Variants in THEMIS observed in about 807,000 individuals in gnomAD.
THEMIS encodes protein THEMIS.
In THEMIS, 37 loss-of-function variants were observed where a neutral mutation model predicts 52.6. The ratio of observed to expected loss-of-function variants is 0.70; its 90% CI spans 0.54 to 0.93. THEMIS has a LOEUF of 0.93. Among genes scored for constraint, THEMIS ranks in the 40% least tolerant of loss-of-function variants. The probability of loss-of-function intolerance (pLI) is 0.00; values close to 1 mark genes in which losing one functional copy is unlikely to be tolerated. For synonymous variants in THEMIS, 292 were observed against 272.7 expected, an observed-to-expected ratio of 1.07 and a Z score of -0.70; for missense variants, 808 against 763.1, an observed-to-expected ratio of 1.06 and a Z score of -0.69.
At chr6:127,855,587 A>C (rs1374421216) in intron 1 of THEMIS, among the ~76,000 whole-genome samples, 1 of 151,906 alleles carries the variant, frequency 6.6e-6, no homozygotes, top group Non-Finnish European at 1.5e-5. Context: ...TTGTCATACA[A>C]TTGGAGATGA....
Position 127,832,777 on chromosome 6 carries a change from C to CTTTTTTTTTTTT in THEMIS, c.251-2855_251-2844dup, listed in dbSNP as rs11355741. On this transcript the variant is annotated intron_variant, in intron 2 of 5. Transcript: ENST00000368248. ...CTATTTCCACCTAGGATTGTCAGAT[C>CTTTTTTTTTTTT]TTTTTTTTTTTTTTTTTTTTTTTTG... Among the ~76,000 whole-genome samples the CTTTTTTTTTTTT allele has an allele frequency of 8.5e-3, 492 of 57,800 alleles. 77 individuals are homozygous for CTTTTTTTTTTTT. Among genetic ancestry groups the CTTTTTTTTTTTT allele is most frequent in the Non-Finnish European group, 8.8e-3 (307 of 34,828 alleles). 37.9% of individuals were successfully genotyped at this position (57,800 alleles called of 152,430 possible).
chr6:127,775,055 A>C (rs923838515), intron 4 of THEMIS, among the ~76,000 whole-genome samples: 6 of 152,174 alleles, frequency 3.9e-5, no homozygotes, highest in African/African-American at 1.4e-4. Flanking sequence ...ATCCAGTAGG[A>C]ACAAGCTACC....
rs181618602 is a variant in THEMIS, at chr6:127,850,770, C to T, written c.250+4260G>A. On this transcript the variant is annotated intron_variant, in intron 2 of 5. Transcript: ENST00000368248. ...AAGGGGGTGAGGGATTAAAAGACTA[C>T]ATATTGGGTAGAGTGTTCACTGCTT... Among the ~76,000 whole-genome samples, 487 of 151,690 alleles carry T rather than the reference C, an allele frequency of 3.2e-3. 4 individuals are homozygous for T. The highest frequency in any genetic ancestry group is 0.011 in the African/African-American group (448 of 41,460).
intron 4 of THEMIS, among the ~76,000 whole-genome samples, chr6:127,764,619 G>T (rs1361456092): frequency 1.3e-5 from 2 of 151,938 alleles, no homozygotes; most frequent in Non-Finnish European, 2.9e-5. Flanking sequence ...TCCAAGACAG[G>T]TGTTGCATGC....
chr6:127,864,853 C>T (rs766879850), intron 1 of THEMIS, among the ~76,000 whole-genome samples: 5 of 152,138 alleles, frequency 3.3e-5, no homozygotes, highest in Non-Finnish European at 7.4e-5. Context: ...AGCTGTTATA[C>T]TCATGGTTAC....
rs150253460 is a variant in THEMIS at position 127,870,154 on chromosome 6, G to C, written c.92-14966C>G. Among the ~76,000 whole-genome samples the C allele has an allele frequency of 4.9e-3, 746 of 152,296 alleles. 8 individuals carry two copies. The Middle Eastern group carries it at 0.051, about 10-fold the overall frequency. On this transcript the variant is annotated intron_variant, in intron 1 of 5. Coordinates refer to ENST00000368248, the MANE Select transcript of THEMIS (RefSeq NM_001010923.3). The stretch of plus-strand genomic sequence containing the variant: ...TCTCCTTCCCACTGAGGTGATGTCA[G>C]AGGATCTACTGAAAAATCAGGGACT...
At chr6:127,697,714 A>G in the THEMIS span, among the ~76,000 whole-genome samples, 2 of 152,108 alleles carry the variant, frequency 1.3e-5, no homozygotes, top group Non-Finnish European at 2.9e-5. Context: ...AGATGTTCAT[A>G]TGACTACTGT....
At chr6:127,730,279 A>G (rs1774723474) in intron 4 of THEMIS, among the ~76,000 whole-genome samples, 1 of 111,782 alleles carries the variant, frequency 8.9e-6, no homozygotes, top group African/African-American at 3.6e-5. Context: ...ATAGGAAATA[A>G]AGAAAAGAAA....
intron 4 of THEMIS, among the ~76,000 whole-genome samples, chr6:127,812,331 G>T (rs374676316): frequency 6.0e-4 from 92 of 152,212 alleles, no homozygotes; most frequent in African/African-American, 2.1e-3. Flanking sequence ...AGCTGTTAAA[G>T]ATTACGATTC....
At chr6:127,867,610 A>G (rs1780023351) in intron 1 of THEMIS, among the ~76,000 whole-genome samples, 2 of 152,072 alleles carry the variant, frequency 1.3e-5, no homozygotes, top group Admixed American at 6.6e-5. Flanking sequence ...AACTTAATCA[A>G]GTGGCCACAT....
At chr6:127,855,345 A>C (rs1433453269) in intron 1 of THEMIS, among the ~76,000 whole-genome samples, 157 bp from the exon 2 acceptor site, 2 of 151,992 alleles carry the variant, frequency 1.3e-5, no homozygotes, top group East Asian at 3.9e-4. Context: ...TACAGCATAG[A>C]CCAGAAAAAT....
At chr6:127,856,720 C>T (rs1258975580) in intron 1 of THEMIS, among the ~76,000 whole-genome samples, 1 of 151,954 alleles carries the variant, frequency 6.6e-6, no homozygotes, top group Admixed American at 6.6e-5. Flanking sequence ...CATACTATTC[C>T]CTTAACTACA....
intron 2 of THEMIS, among the ~76,000 whole-genome samples, chr6:127,854,712 T>A (rs975339759): frequency 2.6e-5 from 4 of 151,850 alleles, no homozygotes; most frequent in Non-Finnish European, 5.9e-5. Context: ...ACAGAATTTA[T>A]GAAAATATAT....
At chr6:127,792,441 A>G (rs1175567000) in intron 4 of THEMIS, among the ~76,000 whole-genome samples, 1 of 152,180 alleles carries the variant, frequency 6.6e-6, no homozygotes, top group South Asian at 2.1e-4. Flanking sequence ...GTTCTGTTAC[A>G]TGGGTCAAAT....
chr6:127,896,318 C>T (rs780852437), intron 1 of THEMIS, among the ~76,000 whole-genome samples: 4 of 149,536 alleles, frequency 2.7e-5, no homozygotes, highest in Non-Finnish European at 4.5e-5. Flanking sequence ...ATAACATATA[C>T]AAAATGTTAA....
chr6:127,767,951 A>G (rs1776256658), intron 4 of THEMIS, among the ~76,000 whole-genome samples: 1 of 152,168 alleles, frequency 6.6e-6, no homozygotes, highest in Non-Finnish European at 1.5e-5. Flanking sequence ...TATGTGGTCC[A>G]TAGTGGATCT....
In THEMIS at chr6:127,829,753, A is replaced by G; in HGVS notation, c.432T>C (p.Ile144=). The change falls in exon 3 of 6, where the codon ATT becomes ATC. Residue 144 remains isoleucine (I), a synonymous_variant. Coordinates refer to ENST00000368248, the MANE Select transcript of THEMIS (RefSeq NM_001010923.3). ...EQIMLNSVEE[I]DGEIMVSCAV... ...CACAGCTCACCATTATTTCTCCATC[A>G]ATCTCTTCAACTGAGTTGAGCATGA... 6.2e-7 allele frequency: 1 copy of G among 1,614,042 alleles called. No individual in the cohort carries two copies.
chr6:127,725,533 G>A (rs768776565), intron 4 of THEMIS, among the ~76,000 whole-genome samples: 2 of 151,932 alleles, frequency 1.3e-5, no homozygotes, highest in Admixed American at 6.6e-5. Flanking sequence ...ATGATCAAGT[G>A]TTTTTTATAA....
chr6:127,787,860 TAG>T (rs1188258725), intron 4 of THEMIS, among the ~76,000 whole-genome samples: 3,418 of 128,676 alleles, frequency 0.027, 42 homozygotes, highest in Non-Finnish European at 0.038. Flanking sequence ...TATAGATAGA[TAG>T]ATAGATAGAT....
Sources: allele counts gnomAD v4.1 joint callset (sites outside exome capture counted in the v4.1 genomes callset), GRCh38; gene constraint gnomAD v4.1.1; transcripts MANE v1.5; gene names NCBI Gene and HGNC (gene_info 2026-07-23, HGNC 2026-07-21).